NRXN3: variants seen among roughly 807,000 people sequenced by gnomAD.
NRXN3 encodes the protein neurexin 3, also known as neurexin III.
Under a neutral mutation model 137.6 loss-of-function variants are expected in NRXN3, and 32 were observed. The observed-to-expected ratio is 0.23, with a 90% CI of 0.18 to 0.31. The LOEUF (loss-of-function observed/expected upper bound fraction) is 0.31, where lower values mean the gene tolerates loss of function less well. Among genes scored for constraint, NRXN3 ranks in the 10% least tolerant of loss-of-function variants. The pLI is 1.00. For missense variants in NRXN3, 1,574 were observed against 2,062.5 expected (o/e 0.76, Z 4.59); for synonymous variants, 798 against 784.5 (o/e 1.02, Z -0.29).
chr14:78,880,654 A>G (rs1306468347), intron 10 of NRXN3, among the ~76,000 whole-genome samples: 1 of 152,228 alleles, frequency 6.6e-6, no homozygotes, highest in African/African-American at 2.4e-5. Flanking sequence ...GTATCAGAGT[A>G]TCAAGAATAC....
At chr14:78,522,470 C>T (rs1202219135) in intron 4 of NRXN3, among the ~76,000 whole-genome samples, 1 of 152,166 alleles carries the variant, frequency 6.6e-6, no homozygotes, top group East Asian at 1.9e-4. Flanking sequence ...TTCTATGAAT[C>T]TGTTATCGGA....
chr14:79,384,038 A>T (rs1264509034), intron 15 of NRXN3, among the ~76,000 whole-genome samples: 1 of 152,132 alleles, frequency 6.6e-6, no homozygotes, highest in African/African-American at 2.4e-5. Flanking sequence ...TGTTACCTGA[A>T]GCAATGCTTC....
At chr14:79,055,221 G>T (rs2099656129) in intron 15 of NRXN3, among the ~76,000 whole-genome samples, 1 of 152,150 alleles carries the variant, frequency 6.6e-6, no homozygotes, top group Admixed American at 6.5e-5. Flanking sequence ...CTTTTTAAAG[G>T]ATGCCAAGAC....
Position 78,544,453 on chromosome 14 carries a change from A to G in NRXN3, c.758-100667A>G, listed in dbSNP as rs1014579039. On this transcript the variant is annotated intron_variant, in intron 4 of 20. Coordinates refer to ENST00000335750, the MANE Select transcript of NRXN3 (RefSeq NM_001330195.2). The stretch of plus-strand genomic sequence containing the variant: ...AACCCCTGCCTGAGTACTTATTTCC[A>G]TGGATCAAAAGGATGGGGAAATGCT... 2.0e-5 allele frequency among the ~76,000 whole-genome samples: 3 copies of G among 152,324 alleles called. No individual in the cohort carries two copies. In the East Asian group the frequency reaches 5.8e-4, roughly 29 times the overall value.
At position 79,489,955 on chromosome 14, in the gene NRXN3, C is replaced by T. The variant is rs997419871; in HGVS notation, c.3444+22553C>T. Reference sequence around the variant, plus strand: ...TCGGGAGGCTGAGGCAGGAGAATGGCGTGAACCTGGGAGGCAGAGCTTGCA... The same window carrying T: ...TCGGGAGGCTGAGGCAGGAGAATGGTGTGAACCTGGGAGGCAGAGCTTGCA... On this transcript the variant is annotated intron_variant, in intron 16 of 20. Transcript: ENST00000335750. Among the ~76,000 whole-genome samples the T allele has an allele frequency of 6.9e-5, 10 of 144,652 alleles. No homozygotes were observed. The East Asian group carries it at 1.0e-3, about 15-fold the overall frequency. The allele number at this position is 144,652 out of a possible 152,430, so 94.9% of individuals were successfully genotyped here.
At chr14:78,574,072 C>CA (rs1326004466) in intron 4 of NRXN3, among the ~76,000 whole-genome samples, 1 of 152,214 alleles carries the variant, frequency 6.6e-6, no homozygotes, top group Non-Finnish European at 1.5e-5. Context: ...GTACAAGCCC[C>CA]AAGCCTTGGC....
intron 14 of NRXN3, among the ~76,000 whole-genome samples, chr14:78,974,995 G>T (rs1349540273): frequency 6.6e-6 from 1 of 152,122 alleles, no homozygotes; most frequent in Non-Finnish European, 1.5e-5. Context: ...TTGTGTGGTT[G>T]GGGTAGTGTT....
At chr14:78,623,502 A>G (rs963984257) in intron 4 of NRXN3, among the ~76,000 whole-genome samples, 3 of 152,228 alleles carry the variant, frequency 2.0e-5, no homozygotes, top group Non-Finnish European at 4.4e-5. Flanking sequence ...AGTAGATGCC[A>G]TTCATTTATT....
chr14:78,992,161 G>A (rs2099520285), intron 15 of NRXN3, among the ~76,000 whole-genome samples: 1 of 152,156 alleles, frequency 6.6e-6, no homozygotes, highest in South Asian at 2.1e-4. Context: ...AAAGTCATGG[G>A]GAGTTTCTTT....
At chr14:78,258,426 G>A (rs1244513123) in intron 2 of NRXN3, among the ~76,000 whole-genome samples, 1 of 150,066 alleles carries the variant, frequency 6.7e-6, no homozygotes, top group Non-Finnish European at 1.5e-5. Flanking sequence ...GGGGGCAATG[G>A]TTGGCATTGG....
intron 15 of NRXN3, among the ~76,000 whole-genome samples, chr14:79,343,521 G>C (rs1054970282): frequency 6.6e-6 from 1 of 152,116 alleles, no homozygotes; most frequent in African/African-American, 2.4e-5. Flanking sequence ...GGGTACAAAG[G>C]TGTCACCTAG....
chr14:79,624,672 A>G (rs954033298), intron 16 of NRXN3, among the ~76,000 whole-genome samples: 2 of 151,500 alleles, frequency 1.3e-5, no homozygotes, highest in Admixed American at 1.3e-4. Flanking sequence ...ATATCTCCCC[A>G]TCTCCTCTTC....
intron 15 of NRXN3, among the ~76,000 whole-genome samples, chr14:79,019,660 C>T (rs983048570): frequency 2.0e-5 from 3 of 152,104 alleles, no homozygotes; most frequent in East Asian, 3.9e-4. Context: ...ATTACAGCAT[C>T]CTAGTGACAC....
At chr14:78,484,315 C>A (rs2095527157) in intron 4 of NRXN3, among the ~76,000 whole-genome samples, 1 of 152,184 alleles carries the variant, frequency 6.6e-6, no homozygotes, top group Admixed American at 6.6e-5. Flanking sequence ...TAACTTACCT[C>A]TCCAGCCCTT....
intron 10 of NRXN3, among the ~76,000 whole-genome samples, chr14:78,904,279 T>C (rs867404457): frequency 4.5e-4 from 68 of 152,146 alleles, no homozygotes; most frequent in Middle Eastern, 3.4e-3. Context: ...GAGAGGGTGT[T>C]GCTGGCATCT....
At chr14:78,260,207 G>A (rs879532266) in intron 2 of NRXN3, among the ~76,000 whole-genome samples, 5 of 152,198 alleles carry the variant, frequency 3.3e-5, no homozygotes, top group Non-Finnish European at 7.3e-5. Context: ...CATTAAAGGA[G>A]ACATATGTGT....
At chr14:79,780,073 A>G (rs1312650003) in intron 19 of NRXN3, among the ~76,000 whole-genome samples, 1 of 152,112 alleles carries the variant, frequency 6.6e-6, no homozygotes, top group Non-Finnish European at 1.5e-5. Context: ...ACATTTTCAT[A>G]AGAGGATCCA....
intron 8 of NRXN3, among the ~76,000 whole-genome samples, chr14:78,724,796 A>G (rs1261214067): frequency 6.6e-6 from 1 of 152,192 alleles, no homozygotes; most frequent in African/African-American, 2.4e-5. Context: ...GAAGAGATGT[A>G]TATATTTCTC....
At chr14:78,833,580 A>G (rs1240260098) in intron 10 of NRXN3, among the ~76,000 whole-genome samples, 1 of 152,188 alleles carries the variant, frequency 6.6e-6, no homozygotes, top group African/African-American at 2.4e-5. Context: ...CTTGGTCAAG[A>G]TGGGGAATCT....
Sources: allele counts gnomAD v4.1 joint callset (sites outside exome capture counted in the v4.1 genomes callset), GRCh38; gene constraint gnomAD v4.1.1; transcripts MANE v1.5; gene names NCBI Gene and HGNC (gene_info 2026-07-23, HGNC 2026-07-21).